TMC6: variants seen among roughly 807,000 people sequenced by gnomAD.
TMC6 encodes the protein transmembrane channel-like protein 6.
TMC6 carries 71 observed loss-of-function variants against 95.4 expected under a neutral mutation model. The observed-to-expected ratio is 0.74, with a 90% CI of 0.61 to 0.91. The LOEUF (loss-of-function observed/expected upper bound fraction) is 0.91. Among genes scored for constraint, TMC6 ranks in the 40% least tolerant of loss-of-function variants. TMC6 has a pLI of 0.00. For missense variants in TMC6, 1,074 were observed against 1,079.1 expected, an observed-to-expected ratio of 1.00 and a Z score of 0.07; for synonymous variants, 514 against 483.1, an observed-to-expected ratio of 1.06 and a Z score of -0.84.
intron 14 of TMC6, 23 bp from the exon 15 acceptor site, chr17:78,119,069 G>A (rs755332265): frequency 6.4e-7 from 1 of 1,563,740 alleles, no homozygotes; most frequent in East Asian, 2.4e-5. Context: ...TGGCAGTTCA[G>A]GGGCTGCTCC....
At chr17:78,128,786 G>A (rs568026342), upstream of TMC6, 1 of 63,078 alleles carries the variant, frequency 1.6e-5, no homozygotes, top group African/African-American at 5.9e-5. This position sits in a 1 kb window ranked among gnomAD's most constrained non-coding sequence, Gnocchi z 4.0. Context: ...CGCACCTCCC[G>A]GCCCACGTGG....
In TMC6 at chr17:78,115,584, C is replaced by T. The variant is rs369640632; in HGVS notation, c.2277+1685G>A. On this transcript the variant is annotated intron_variant, in intron 18 of 19. Transcript: ENST00000590602. ...GCCTTGTCTCCAACTTGGTGGGTGC[C>T]CAGTGGGCAAGGAGGTCCTCCTGGG... Among the ~76,000 whole-genome samples, 37 of 151,924 alleles carry T rather than the reference C, an allele frequency of 2.4e-4. 1 individual carries two copies. The South Asian group carries it at 7.1e-3, about 29-fold the overall frequency.
chr17:78,123,045 T>G, intron 9 of TMC6: 1 of 518,618 alleles, frequency 1.9e-6, no homozygotes, highest in African/African-American at 1.9e-5. Flanking sequence ...TGGGCTCACC[T>G]CAGGGCCTTT....
chr17:78,131,468 G>A (rs1231244862), upstream of TMC6: 16 of 1,396,910 alleles, frequency 1.1e-5, no homozygotes, highest in Non-Finnish European at 1.6e-5. Flanking sequence ...GGACGGAAGG[G>A]CCCGCCCCCA....
Position 78,116,979 on chromosome 17 carries a change from T to C in TMC6, c.2277+290A>G, listed in dbSNP as rs533404623. Among the ~76,000 whole-genome samples the C allele has an allele frequency of 3.2e-4, 49 of 152,246 alleles. No homozygotes were observed. In the South Asian group the frequency reaches 9.7e-3, roughly 30 times the overall value. ...GACCCAAAAATCCTCACAGAGACTG[T>C]CTAAACCCTCAGCGGGGCCACACCC... On this transcript the variant is annotated intron_variant, in intron 18 of 19. Coordinates refer to ENST00000590602, the MANE Select transcript of TMC6 (RefSeq NM_001127198.5).
chr17:78,126,720 C>T (rs2074737918), intron 2 of TMC6, 57 bp downstream of exon 2: 1 of 1,611,904 alleles, frequency 6.2e-7, no homozygotes, highest in Non-Finnish European at 8.5e-7. Flanking sequence ...GCTCAGGTGA[C>T]CTCTCCGTGG....
rs1158126322 is a variant in TMC6 at position 78,125,234 on chromosome 17, G to C, written c.460C>G (p.Gln154Glu). 4 of 1,586,822 alleles carry C rather than the reference G, an allele frequency of 2.5e-6. No individual in the cohort carries two copies. In the African/African-American group the frequency reaches 5.4e-5, roughly 21 times the overall value. Residue 154 changes from glutamine (Q) to glutamate (E), a missense_variant, in exon 6 of 20, where the codon CAG becomes GAG. Physicochemically the swap from Gln to Glu is conservative, Grantham distance 29. Transcript: ENST00000590602. The part of the protein sequence containing the change: ...EKQSLLVKEL[Q>E]SLAVAQRDHM... ...TCCCGCTGTGCCACTGCCAGGCTCT[G>C]GAGCTCCTTCACCAGGAGGCTCTGC... is the stretch of plus-strand genomic sequence containing the variant.
At chr17:78,116,095 T>C (rs2074094629) in intron 18 of TMC6, among the ~76,000 whole-genome samples, 1 of 151,696 alleles carries the variant, frequency 6.6e-6, no homozygotes, top group Non-Finnish European at 1.5e-5. Context: ...TTCTCCTGCC[T>C]CCGCCTCCTG....
At position 78,124,952 on chromosome 17, in the gene TMC6, C is replaced by T. The variant is rs780975282; in HGVS notation, c.570G>A (p.Arg190=). 2 of 1,598,566 alleles carry T rather than the reference C, an allele frequency of 1.3e-6. No individual in the cohort carries two copies. Among genetic ancestry groups the T allele is most frequent in the Non-Finnish European group, 1.7e-6 (2 of 1,174,946 alleles). The change falls in exon 7 of 20, where the codon AGG becomes AGA. Residue 190 remains arginine (R), a synonymous_variant. Transcript: ENST00000590602. The part of the protein sequence containing the change: ...EKSRTPRGKW[R]GQPGSGGVCS... Reference sequence around the variant, plus strand: ...AGACCCCGCCGCTGCCCGGCTGGCCCCTCCACTTCCCCCTCGGGGTCCTGC... The same window carrying T: ...AGACCCCGCCGCTGCCCGGCTGGCCTCTCCACTTCCCCCTCGGGGTCCTGC...
intron 19 of TMC6, 53 bp downstream of exon 19, chr17:78,113,495 G>T: frequency 1.3e-6 from 2 of 1,594,886 alleles, no homozygotes; most frequent in Non-Finnish European, 8.6e-7. Context: ...TCCAGCCCTG[G>T]CCCCTCTCCC....
In TMC6 at chr17:78,119,097, G is replaced by A. The variant is rs757413316; in HGVS notation, c.1812-51C>T. ...GCTGCTCCAGTGCCCTCCCCTCCCC[G>A]AGATCAGGCTGGTTCCAGACCACGG... On this transcript the variant is annotated intron_variant, in intron 14 of 19. Coordinates refer to ENST00000590602, the MANE Select transcript of TMC6 (RefSeq NM_001127198.5). 3.6e-5 allele frequency: 56 copies of A among 1,543,662 alleles called. No homozygotes were observed. In the Admixed American group the frequency reaches 6.0e-4, roughly 17 times the overall value.
At position 78,126,911 on chromosome 17, in the gene TMC6, T is replaced by C; in HGVS notation, c.-74-5A>G. On this transcript the variant is annotated splice_region_variant and splice_polypyrimidine_tract_variant and intron_variant, in intron 1 of 19. Coordinates refer to ENST00000590602, the MANE Select transcript of TMC6 (RefSeq NM_001127198.5). ...CGCCACCTCCGGAGCCCCCATCTGATGAGACAGGGGCACAGAGCCAGGGGT... is the reference window on the plus strand; with the variant it reads ...CGCCACCTCCGGAGCCCCCATCTGACGAGACAGGGGCACAGAGCCAGGGGT... 3 of 1,532,410 alleles carry C rather than the reference T, an allele frequency of 2.0e-6. No homozygotes were observed. The highest frequency in any genetic ancestry group is 2.7e-6 in the Non-Finnish European group (3 of 1,122,890). 94.9% of individuals were successfully genotyped at this position (1,532,410 alleles called of 1,614,324 possible). A position where few individuals can be genotyped will look rare whatever the true frequency, so the allele number is the denominator to read the frequency against.
At chr17:78,124,441 G>A (rs2074591346) in intron 8 of TMC6, 83 bp downstream of exon 8, 16 of 1,585,632 alleles carry the variant, frequency 1.0e-5, no homozygotes, top group Non-Finnish European at 1.3e-5. Context: ...GGGGCCCCAG[G>A]GGAGCTGGGA....
chr17:78,121,439 G>C lies in TMC6; in HGVS notation c.1383+117C>G. Reference sequence around the variant, plus strand: ...CCCAGCACGGGGCACAGCGTACGTGGCACCCTGGGCTGGCTGGGTGGAGGA... The same window carrying C: ...CCCAGCACGGGGCACAGCGTACGTGCCACCCTGGGCTGGCTGGGTGGAGGA... On this transcript the variant is annotated intron_variant, in intron 11 of 19. Coordinates refer to ENST00000590602, the MANE Select transcript of TMC6 (RefSeq NM_001127198.5). This position sits in a 1 kb window ranked among gnomAD's most constrained non-coding sequence, Gnocchi z 5.6. 1 of 1,529,232 alleles carries C rather than the reference G, an allele frequency of 6.5e-7. No individual in the cohort carries two copies. Among genetic ancestry groups the C allele is most frequent in the Non-Finnish European group, 8.9e-7 (1 of 1,124,788 alleles). 94.7% of individuals were successfully genotyped at this position (1,529,232 alleles called of 1,614,324 possible).
chr17:78,113,024 G>T lies in TMC6; in HGVS notation c.*124C>A. 1 of 1,146,608 alleles carries T rather than the reference G, an allele frequency of 8.7e-7. No homozygotes were observed. Among genetic ancestry groups the T allele is most frequent in the Non-Finnish European group, 1.3e-6 (1 of 790,394 alleles). 71.0% of individuals were successfully genotyped at this position (1,146,608 alleles called of 1,614,324 possible). A position where few individuals can be genotyped will look rare whatever the true frequency, so the allele number is the denominator to read the frequency against. On this transcript the variant is annotated 3_prime_UTR_variant, in exon 20 of 20. Transcript: ENST00000590602. ...ACCCACCCTTCCAGCTCCAGCCTAG[G>T]CGCAGCTGCGGCTTTCGAGAGGCGA...
At chr17:78,128,998 A>G (rs1051729658), upstream of TMC6, among the ~76,000 whole-genome samples, 5 of 152,024 alleles carry the variant, frequency 3.3e-5, no homozygotes, top group African/African-American at 1.2e-4. This position sits in a 1 kb window ranked among gnomAD's most constrained non-coding sequence, Gnocchi z 4.0. Flanking sequence ...AGTTTCCCCA[A>G]GTTCCAAAAA....
intron 13 of TMC6, chr17:78,119,814 T>C: frequency 2.7e-6 from 1 of 370,834 alleles, no homozygotes; most frequent in Non-Finnish European, 5.1e-6. Context: ...TTTATTTATT[T>C]TTATTTTTAT....
rs1347834453 is a variant in TMC6, at chr17:78,120,691, G to A, written c.1677C>T (p.Leu559=). 1 of 1,614,014 alleles carries A rather than the reference G, an allele frequency of 6.2e-7. No individual in the cohort carries two copies. The highest frequency in any genetic ancestry group is 1.1e-5 in the South Asian group (1 of 91,082). Residue 559 remains leucine (L), a synonymous_variant, in exon 13 of 20, where the codon CTC becomes CTT. Coordinates refer to ENST00000590602, the MANE Select transcript of TMC6 (RefSeq NM_001127198.5). ...CCCCAAAAAGCGTGTCCAGCAACAT[G>A]AGGACGAAGTCCATCACCAGGAACC... ...LYRFLVMDFV[L]MLLDTLFGEL... is the part of the protein sequence containing the mutation.
rs1203788008 is a variant in TMC6 at position 78,128,238 on chromosome 17, A to G, written c.-75+374T>C. ...CAGCCGCTACCCAGGGAGAACCGCA[A>G]CCTGGCCCCAGAGCCCAGAGCGGCT... On this transcript the variant is annotated intron_variant, in intron 1 of 19. Transcript: ENST00000590602. The surrounding 1 kb of genome is among the most constrained non-coding windows in gnomAD (Gnocchi z 4.0). Among the ~76,000 whole-genome samples the G allele has an allele frequency of 6.6e-5, 10 of 152,042 alleles. No homozygotes were observed. The highest frequency in any genetic ancestry group is 2.4e-4 in the African/African-American group (10 of 41,408).
Sources: allele counts gnomAD v4.1 joint callset (sites outside exome capture counted in the v4.1 genomes callset), GRCh38; gene constraint gnomAD v4.1.1; non-coding constraint Gnocchi (gnomAD v3.1); transcripts MANE v1.5; gene names NCBI Gene and HGNC (gene_info 2026-07-23, HGNC 2026-07-21).